The following EPHA3 variants were observed in gnomAD, a reference collection of about 807,000 sequenced individuals.
EPHA3 encodes ephrin type-A receptor 3.
Under a neutral mutation model 107.1 loss-of-function variants are expected in EPHA3, and 42 were observed. The ratio of observed to expected loss-of-function variants is 0.39; its 90% CI spans 0.31 to 0.51. The LOEUF (loss-of-function observed/expected upper bound fraction) is 0.51. Ranked by LOEUF, EPHA3 falls within the 20% of genes least tolerant of loss-of-function variation. EPHA3 has a pLI of 0.78. For missense variants in EPHA3, 1,183 were observed against 1,211.2 expected (o/e 0.98, Z 0.35); for synonymous variants, 461 against 424.8 (o/e 1.09, Z -1.05).
At chr3:89,380,979 G>T (rs370060160) in intron 5 of EPHA3, among the ~76,000 whole-genome samples, 1,794 of 150,582 alleles carry the variant, frequency 0.012, 49 homozygotes, top group African/African-American at 0.042. Context: ...CTGTTTGTTT[G>T]TTTCTTTTTT....
chr3:89,119,772 T>C (rs1707336722), intron 1 of EPHA3, among the ~76,000 whole-genome samples: 1 of 152,168 alleles, frequency 6.6e-6, no homozygotes, highest in Non-Finnish European at 1.5e-5. Flanking sequence ...TATGTGCACA[T>C]GTGTGTTTGG....
At chr3:89,382,463 G>T (rs1303461321) in intron 5 of EPHA3, among the ~76,000 whole-genome samples, 2 of 146,452 alleles carry the variant, frequency 1.4e-5, no homozygotes, top group Non-Finnish European at 3.0e-5. Flanking sequence ...AGCTAAGATC[G>T]CACCATTGCA....
intron 13 of EPHA3, among the ~76,000 whole-genome samples, chr3:89,440,497 C>G (rs1559697370): frequency 6.6e-6 from 1 of 152,204 alleles, no homozygotes; most frequent in Admixed American, 6.5e-5. Context: ...CAATTACACT[C>G]CTTCTCTTTA....
At chr3:89,473,819 GAAGAT>G (rs1710455207) in intron 16 of EPHA3, among the ~76,000 whole-genome samples, 1 of 152,086 alleles carries the variant, frequency 6.6e-6, no homozygotes, top group Admixed American at 6.5e-5. Flanking sequence ...GCCTTTTCCT[GAAGAT>G]AAGATGGAGA....
chr3:89,323,020 A>T (rs1576311365), intron 3 of EPHA3, among the ~76,000 whole-genome samples: 1 of 152,106 alleles, frequency 6.6e-6, no homozygotes, highest in South Asian at 2.1e-4. Flanking sequence ...AATTATATTT[A>T]AAAAGTATAA....
At chr3:89,205,589 G>T (rs1327773418) in intron 2 of EPHA3, among the ~76,000 whole-genome samples, 1 of 152,122 alleles carries the variant, frequency 6.6e-6, no homozygotes, top group Non-Finnish European at 1.5e-5. Context: ...AAAGCTTAAA[G>T]TCAAAATCTG....
At chr3:89,216,198 T>A (rs1440681101) in intron 3 of EPHA3, among the ~76,000 whole-genome samples, 1 of 151,940 alleles carries the variant, frequency 6.6e-6, no homozygotes, top group Non-Finnish European at 1.5e-5. Flanking sequence ...AGGACAGTAT[T>A]CACTATGAGC....
At chr3:89,233,921 A>G (rs571943423) in intron 3 of EPHA3, among the ~76,000 whole-genome samples, 1 of 152,218 alleles carries the variant, frequency 6.6e-6, no homozygotes, top group Non-Finnish European at 1.5e-5. Context: ...AGATTTTTCT[A>G]TTCTCTTATC....
chr3:89,440,177 A>G (rs1476330244), intron 13 of EPHA3, among the ~76,000 whole-genome samples: 2 of 152,174 alleles, frequency 1.3e-5, no homozygotes, highest in Non-Finnish European at 2.9e-5. Flanking sequence ...TCTGCAGTGA[A>G]TGAATTTTAG....
intron 16 of EPHA3, 43 bp downstream of exon 16, chr3:89,472,662 G>T: frequency 7.0e-7 from 1 of 1,425,040 alleles, no homozygotes. Context: ...GGATTCTTTT[G>T]AACTTTCTTG....
chr3:89,432,140 T>G (rs1354183567), intron 13 of EPHA3, among the ~76,000 whole-genome samples: 1 of 152,132 alleles, frequency 6.6e-6, no homozygotes, highest in East Asian at 1.9e-4. Context: ...CTGCCTGCAT[T>G]CATAATTGTT....
chr3:89,174,356 CAAA>C, intron 2 of EPHA3, among the ~76,000 whole-genome samples: 1 of 151,972 alleles, frequency 6.6e-6, no homozygotes, highest in Non-Finnish European at 1.5e-5. Context: ...CTGATCAAGG[CAAA>C]AATGTAAGTG....
intron 13 of EPHA3, among the ~76,000 whole-genome samples, chr3:89,438,673 A>G (rs1709721841): frequency 1.3e-5 from 2 of 152,328 alleles, no homozygotes; most frequent in Middle Eastern, 3.4e-3. Context: ...AGGTAATAAC[A>G]AAATATCTAA....
At chr3:89,452,122 G>A (rs1187286274) in intron 15 of EPHA3, among the ~76,000 whole-genome samples, 1 of 152,098 alleles carries the variant, frequency 6.6e-6, no homozygotes, top group Non-Finnish European at 1.5e-5. Flanking sequence ...GGATACCTAT[G>A]TTGATTTCAT....
intron 3 of EPHA3, among the ~76,000 whole-genome samples, chr3:89,315,752 TTA>T (rs1706882530): frequency 6.6e-6 from 1 of 151,904 alleles, no homozygotes. Flanking sequence ...AATGCTAAAA[TTA>T]TAGGTGCCAG....
At chr3:89,152,475 T>C (rs1403505520) in intron 2 of EPHA3, among the ~76,000 whole-genome samples, 2 of 152,068 alleles carry the variant, frequency 1.3e-5, no homozygotes, top group Non-Finnish European at 2.9e-5. Context: ...CATCTGTTGT[T>C]ATGAGTAATT....
At chr3:89,360,428 A>G (rs1708068973) in intron 5 of EPHA3, among the ~76,000 whole-genome samples, 1 of 150,996 alleles carries the variant, frequency 6.6e-6, no homozygotes, top group Admixed American at 6.6e-5. Flanking sequence ...AATTGCTTAT[A>G]AGGATCACTA....
intron 3 of EPHA3, among the ~76,000 whole-genome samples, chr3:89,286,617 C>G (rs1706089488): frequency 6.6e-6 from 1 of 152,020 alleles, no homozygotes; most frequent in Non-Finnish European, 1.5e-5. Flanking sequence ...ACAGAGGAGT[C>G]AGAATAGTTC....
chr3:89,257,918 CAG>C (rs1705322524), intron 3 of EPHA3, among the ~76,000 whole-genome samples: 1 of 152,014 alleles, frequency 6.6e-6, no homozygotes, highest in East Asian at 1.9e-4. Context: ...TGCTGAGAAA[CAG>C]AATATTCACG....
Sources: allele counts gnomAD v4.1 joint callset (sites outside exome capture counted in the v4.1 genomes callset), GRCh38; gene constraint gnomAD v4.1.1; transcripts MANE v1.5; gene names NCBI Gene and HGNC (gene_info 2026-07-23, HGNC 2026-07-21).